The following UBE2K variants were observed in gnomAD, a reference collection of about 807,000 sequenced individuals.
The protein encoded by UBE2K is ubiquitin-conjugating enzyme E2 K.
UBE2K carries 6 observed loss-of-function variants against 30.0 expected under a neutral mutation model. The ratio of observed to expected loss-of-function variants is 0.20; its 90% CI spans 0.11 to 0.39. The LOEUF (loss-of-function observed/expected upper bound fraction) is 0.39, where lower values mean the gene tolerates loss of function less well. UBE2K is among the 10% of genes least tolerant of loss of function. The pLI, the probability that UBE2K is intolerant of heterozygous loss-of-function variation, is 1.00. For synonymous variants in UBE2K, 86 were observed against 83.7 expected, an observed-to-expected ratio of 1.03 and a Z score of -0.15; for missense variants, 61 against 241.6, an observed-to-expected ratio of 0.25 and a Z score of 4.96.
chr4:39,724,059 C>T (rs565923577), intron 1 of UBE2K, among the ~76,000 whole-genome samples: 2 of 151,862 alleles, frequency 1.3e-5, no homozygotes, highest in South Asian at 2.1e-4. Flanking sequence ...GTGATCCACC[C>T]GCCTCAGCCT....
intron 4 of UBE2K, among the ~76,000 whole-genome samples, chr4:39,756,433 A>T (rs903679979): frequency 6.6e-6 from 1 of 152,212 alleles, no homozygotes. Flanking sequence ...TAATTCCCTT[A>T]GAATAGAGCT....
chr4:39,718,639 C>T (rs1719243833), intron 1 of UBE2K, among the ~76,000 whole-genome samples: 1 of 152,244 alleles, frequency 6.6e-6, no homozygotes, highest in Non-Finnish European at 1.5e-5. Context: ...GTCCCGAGCC[C>T]TGCCCCGTGG....
At chr4:39,714,548 A>ATTTTTTTTTTTTTTTTTTTTTTT (rs1168820129) in intron 1 of UBE2K, 1 of 24,678 alleles carries the variant, frequency 4.1e-5, no homozygotes, top group Non-Finnish European at 6.3e-5. Context: ...ATATATATAT[A>ATTTTTTTTTTTTTTTTTTTTTTT]TATTTTTTTT....
At chr4:39,717,198 A>G (rs1719124177) in intron 1 of UBE2K, among the ~76,000 whole-genome samples, 1 of 150,870 alleles carries the variant, frequency 6.6e-6, no homozygotes. Context: ...ATGTACATTT[A>G]TTTTTCTGCC....
chr4:39,710,993 G>A (rs1288957977), intron 1 of UBE2K, among the ~76,000 whole-genome samples: 1 of 151,250 alleles, frequency 6.6e-6, no homozygotes, highest in Non-Finnish European at 1.5e-5. Flanking sequence ...CTTTCTAGGA[G>A]TATCTGCTAT....
At chr4:39,761,488 A>C (rs1560373377) in intron 4 of UBE2K, among the ~76,000 whole-genome samples, 1 of 152,206 alleles carries the variant, frequency 6.6e-6, no homozygotes, top group Non-Finnish European at 1.5e-5. Flanking sequence ...GAATATATGA[A>C]TATTTACATA....
In UBE2K at chr4:39,714,544, A is replaced by ATTTTTT. The variant is rs1337587267; in HGVS notation, c.63+16155_63+16156insTTTTTT. On this transcript the variant is annotated intron_variant, in intron 1 of 6. Coordinates refer to ENST00000261427, the MANE Select transcript of UBE2K (RefSeq NM_005339.5). Reference sequence around the variant, plus strand: ...TATATATATATATATATATATATATATATATATTTTTTTTTTTTTTTAAGA... The same window carrying ATTTTTT: ...TATATATATATATATATATATATATATTTTTTTATATATTTTTTTTTTTTTTTAAGA... 9 of 21,088 alleles carry ATTTTTT rather than the reference A, an allele frequency of 4.3e-4. 1 individual carries two copies. The highest frequency in any genetic ancestry group is 8.0e-4 in the African/African-American group (2 of 2,502). 1.3% of individuals were successfully genotyped at this position (21,088 alleles called of 1,614,324 possible).
intron 3 of UBE2K, among the ~76,000 whole-genome samples, chr4:39,748,829 AAAG>A (rs966873830): frequency 2.0e-5 from 3 of 152,188 alleles, no homozygotes; most frequent in African/African-American, 7.2e-5. Flanking sequence ...AAAAAAAAAT[AAAG>A]AACAAACAAG....
chr4:39,719,595 T>C (rs1189858943), intron 1 of UBE2K, among the ~76,000 whole-genome samples: 1 of 152,204 alleles, frequency 6.6e-6, no homozygotes, highest in Non-Finnish European at 1.5e-5. Flanking sequence ...TTCTAGTGAT[T>C]AGAAATGTAG....
intron 1 of UBE2K, chr4:39,713,692 T>C (rs1193879148): frequency 1.3e-5 from 2 of 152,054 alleles, no homozygotes; most frequent in African/African-American, 4.8e-5. Context: ...TGAAACTCTG[T>C]ACCCAATATT....
At position 39,698,170 on chromosome 4, in the gene UBE2K, C is replaced by A; in HGVS notation, c.-158C>A. On this transcript the variant is annotated 5_prime_UTR_variant, in exon 1 of 7. Coordinates refer to ENST00000261427, the MANE Select transcript of UBE2K (RefSeq NM_005339.5). ...GTGGCCGGGCGCGGAGGTGATTCCA[C>A]ACTGAGGCGAGCGCGGCGGCCGGGG... The A allele has an allele frequency of 2.7e-6, 2 of 749,930 alleles. No homozygotes were observed. Among genetic ancestry groups the A allele is most frequent in the Non-Finnish European group, 4.7e-6 (2 of 428,890 alleles). 46.5% of individuals were successfully genotyped at this position (749,930 alleles called of 1,614,324 possible). A position where few individuals can be genotyped will look rare whatever the true frequency, so the allele number is the denominator to read the frequency against.
rs545066511 is a variant in UBE2K, at chr4:39,712,790, C to T, written c.63+14400C>T. Among the ~76,000 whole-genome samples the T allele has an allele frequency of 5.1e-4, 78 of 151,822 alleles. 3 individuals are homozygous for T. The South Asian group carries it at 0.011, about 21-fold the overall frequency. ...TGGTGGTTTATTCTAATTTTTACTT[C>T]CCTAGTCAGTAGAGATATTAAGCAT... On this transcript the variant is annotated intron_variant, in intron 1 of 6. Transcript: ENST00000261427.
chr4:39,734,009 A>T (rs1193274858), intron 1 of UBE2K, among the ~76,000 whole-genome samples: 4 of 152,052 alleles, frequency 2.6e-5, no homozygotes, highest in African/African-American at 9.7e-5. Flanking sequence ...TTGTTGCTTG[A>T]TGGAAAATTG....
At chr4:39,736,705 G>A (rs1379409767) in intron 1 of UBE2K, among the ~76,000 whole-genome samples, 1 of 152,214 alleles carries the variant, frequency 6.6e-6, no homozygotes, top group Non-Finnish European at 1.5e-5. Flanking sequence ...AAAGTACTTG[G>A]AGTAGTTTAA....
intron 4 of UBE2K, among the ~76,000 whole-genome samples, chr4:39,758,683 T>TAA: frequency 7.4e-6 from 1 of 134,920 alleles, no homozygotes; most frequent in African/African-American, 2.7e-5. Context: ...ATCTCAAAAA[T>TAA]AAAAAAAAAA....
chr4:39,778,244 A>G, intron 6 of UBE2K, 116 bp from the exon 7 acceptor site: 1 of 527,362 alleles, frequency 1.9e-6, no homozygotes, highest in South Asian at 5.0e-5. Flanking sequence ...TGCAAATGTA[A>G]ATCAACTTAC....
chr4:39,760,193 C>CA (rs1560372489), intron 4 of UBE2K, among the ~76,000 whole-genome samples: 4 of 34,812 alleles, frequency 1.1e-4, no homozygotes, highest in African/African-American at 2.2e-4. Context: ...AAAAAAAAAA[C>CA]AGAAAAAAAA....
At chr4:39,767,615 G>A (rs1712432875) in intron 4 of UBE2K, among the ~76,000 whole-genome samples, 1 of 152,042 alleles carries the variant, frequency 6.6e-6, no homozygotes, top group South Asian at 2.1e-4. Flanking sequence ...GAGCCACTGC[G>A]CCCGGCCCAG....
At position 39,749,807 on chromosome 4, in the gene UBE2K, C is replaced by T. The variant is rs565218249; in HGVS notation, c.216+3997C>T. The stretch of plus-strand genomic sequence containing the variant: ...TTTAATGAGCGTATGCTCATCTGTA[C>T]ATGCATATTCAAAATAGCATTTTCT... On this transcript the variant is annotated intron_variant, in intron 3 of 6. Transcript: ENST00000261427. 1.3e-4 allele frequency among the ~76,000 whole-genome samples: 20 copies of T among 152,314 alleles called. No individual in the cohort carries two copies. The East Asian group carries it at 3.7e-3, about 28-fold the overall frequency.
Sources: gnomAD v4.1 joint callset for allele counts (sites outside exome capture counted in the v4.1 genomes callset) on GRCh38, gnomAD v4.1.1 for gene constraint, MANE v1.5 for transcripts, NCBI Gene and HGNC (gene_info 2026-07-23, HGNC 2026-07-21) for gene names.